Variants in SPACA1 observed in about 807,000 individuals in gnomAD.
The protein encoded by SPACA1 is sperm acrosome associated 1.
SPACA1 carries 17 observed loss-of-function variants against 32.6 expected under a neutral mutation model. The observed-to-expected ratio is 0.52, with a 90% confidence interval of 0.36 to 0.78. The LOEUF (loss-of-function observed/expected upper bound fraction) is 0.78. Among genes scored for constraint, SPACA1 ranks in the 30% least tolerant of loss-of-function variants. The pLI is 0.01. For missense variants in SPACA1, 363 were observed against 373.4 expected (o/e 0.97, Z 0.23); for synonymous variants, 140 against 138.1 (o/e 1.01, Z -0.10).
Position 88,066,408 on chromosome 6 carries a change from C to T in SPACA1, c.*73C>T. On this transcript the variant is annotated 3_prime_UTR_variant, in exon 7 of 7. Coordinates refer to ENST00000237201, the MANE Select transcript of SPACA1 (RefSeq NM_030960.3). ...TTCATTATTACAAAAATAAAATACACATTGAAATACTTTAATAATGTTGCG... is the reference window on the plus strand; with the variant it reads ...TTCATTATTACAAAAATAAAATACATATTGAAATACTTTAATAATGTTGCG... The T allele has an allele frequency of 7.4e-7, 1 of 1,348,090 alleles. No homozygotes were observed. Among genetic ancestry groups the T allele is most frequent in the Non-Finnish European group, 9.9e-7 (1 of 1,006,210 alleles). 83.5% of individuals were successfully genotyped at this position (1,348,090 alleles called of 1,614,324 possible). A position where few individuals can be genotyped will look rare whatever the true frequency, so the allele number is the denominator to read the frequency against.
At position 88,053,998 on chromosome 6, in the gene SPACA1, A is replaced by T; in HGVS notation, c.261A>T (p.Thr87=). Residue 87 remains threonine, a synonymous_variant, in exon 2 of 7, where the codon ACA becomes ACT. Coordinates refer to ENST00000237201, the MANE Select transcript of SPACA1 (RefSeq NM_030960.3). Reference sequence around the variant, plus strand: ...TAGAATTCGGAATGTGCACCGTTACATGTGGTAAGTAGCTTGGAGCAGATG... The same window carrying T: ...TAGAATTCGGAATGTGCACCGTTACTTGTGGTAAGTAGCTTGGAGCAGATG... ...KEVEFGMCTV[T]CGIGVREVIL... 1 of 1,613,512 alleles carries T rather than the reference A, an allele frequency of 6.2e-7. No individual in the cohort carries two copies. Among genetic ancestry groups the T allele is most frequent in the Admixed American group, 1.7e-5 (1 of 60,014 alleles).
At chr6:88,059,111 T>C (rs1463009313) in intron 4 of SPACA1, among the ~76,000 whole-genome samples, 1 of 152,258 alleles carries the variant, frequency 6.6e-6, no homozygotes. Flanking sequence ...AGTTGTATAA[T>C]GATAGCAGTG....
At chr6:88,055,400 CATGTA>C (rs1168009820) in intron 2 of SPACA1, among the ~76,000 whole-genome samples, 2 of 151,912 alleles carry the variant, frequency 1.3e-5, no homozygotes, top group African/African-American at 2.4e-5. Flanking sequence ...ATATGTAAAA[CATGTA>C]ATGTATCAGA....
At position 88,053,938 on chromosome 6, in the gene SPACA1, A is replaced by G; in HGVS notation, c.209-8A>G. 1 of 1,611,764 alleles carries G rather than the reference A, an allele frequency of 6.2e-7. No individual in the cohort carries two copies. On this transcript the variant is annotated splice_polypyrimidine_tract_variant and splice_region_variant and intron_variant, in intron 1 of 6. Transcript: ENST00000237201. The stretch of plus-strand genomic sequence containing the variant: ...ATTAAATAATGTATCTTTACCCTTT[A>G]TGTTTAGTTTCAAATAGGAATGTCG...
chr6:88,053,886 T>G, intron 1 of SPACA1, 60 bp from the exon 2 acceptor site: 1 of 1,378,374 alleles, frequency 7.3e-7, no homozygotes, highest in Non-Finnish European at 1.0e-6. Flanking sequence ...AAGTAAGAGG[T>G]GTTTCACTTA....
chr6:88,066,325 GGAAT>G lies in SPACA1; in HGVS notation c.882_885del (p.Glu294AspfsTer3). ...GGTGAAGATGATGCTTTAAGTGAAT[GGAAT>G]GAATGATGTTTGAATGATATATAAC... On this transcript the variant is annotated frameshift_variant, in exon 7 of 7. Transcript: ENST00000237201. LOFTEE classifies it high-confidence loss of function. The G allele has an allele frequency of 1.2e-6, 2 of 1,609,406 alleles. No homozygotes were observed. The highest frequency in any genetic ancestry group is 8.5e-7 in the Non-Finnish European group (1 of 1,177,732).
At chr6:88,057,574 T>A in intron 2 of SPACA1, 38 bp from the exon 3 acceptor site, 1 of 1,476,090 alleles carries the variant, frequency 6.8e-7, no homozygotes, top group Non-Finnish European at 9.5e-7. Context: ...GAATCAGTTT[T>A]TTTCTTAACA....
chr6:88,066,346 A>T lies in SPACA1; in HGVS notation c.*11A>T. On this transcript the variant is annotated 3_prime_UTR_variant, in exon 7 of 7. Transcript: ENST00000237201. ...GAATGGAATGAATGATGTTTGAATG[A>T]TATATAACAAACCAAAGGATATTAC... 1 of 1,594,298 alleles carries T rather than the reference A, an allele frequency of 6.3e-7. No individual in the cohort carries two copies. Among genetic ancestry groups the T allele is most frequent in the Non-Finnish European group, 8.6e-7 (1 of 1,168,152 alleles).
At chr6:88,055,866 G>A (rs1207234719) in intron 2 of SPACA1, among the ~76,000 whole-genome samples, 3 of 152,156 alleles carry the variant, frequency 2.0e-5, no homozygotes, top group Non-Finnish European at 2.9e-5. Flanking sequence ...AGCTACTTGG[G>A]AGGCTAAGGC....
intron 3 of SPACA1, 60 bp from the exon 4 acceptor site, chr6:88,058,656 T>G: frequency 8.1e-7 from 1 of 1,227,434 alleles, no homozygotes; most frequent in Non-Finnish European, 1.2e-6. Flanking sequence ...AAAAAAGTAA[T>G]TTCGTGTATA....
intron 2 of SPACA1, among the ~76,000 whole-genome samples, chr6:88,055,895 C>A (rs758808707): frequency 6.6e-6 from 1 of 152,070 alleles, no homozygotes. Flanking sequence ...TGCTTGAAGC[C>A]GGGAGGTGGA....
In SPACA1 at chr6:88,066,443, C is replaced by T. The variant is rs1486868371; in HGVS notation, c.*108C>T. 7 of 1,091,588 alleles carry T rather than the reference C, an allele frequency of 6.4e-6. No homozygotes were observed. The East Asian group carries it at 2.0e-4, about 31-fold the overall frequency. 67.6% of individuals were successfully genotyped at this position (1,091,588 alleles called of 1,614,324 possible). A position where few individuals can be genotyped will look rare whatever the true frequency, so the allele number is the denominator to read the frequency against. On this transcript the variant is annotated 3_prime_UTR_variant, in exon 7 of 7. Transcript: ENST00000237201. ...CTTTAATAATGTTGCGATGGATTGCCACAGTGTGAAGGAAATGCAGTGTGG... is the reference window on the plus strand; with the variant it reads ...CTTTAATAATGTTGCGATGGATTGCTACAGTGTGAAGGAAATGCAGTGTGG...
At chr6:88,047,645 A>C, upstream of SPACA1, 1 of 396,080 alleles carries the variant, frequency 2.5e-6, no homozygotes. Flanking sequence ...GGTTGCGGGG[A>C]AGGGCGGCGT....
At position 88,064,229 on chromosome 6, in the gene SPACA1, T is replaced by G; in HGVS notation, c.731+10T>G. 2.5e-6 allele frequency: 4 copies of G among 1,606,692 alleles called. No individual in the cohort carries two copies. Among genetic ancestry groups the G allele is most frequent in the Non-Finnish European group, 3.4e-6 (4 of 1,176,676 alleles). Reference sequence around the variant, plus strand: ...TCATAATCATAAATTGGTAGGTGAATAGTGGAATGCATCATCACCCTTGAT... The same window carrying G: ...TCATAATCATAAATTGGTAGGTGAAGAGTGGAATGCATCATCACCCTTGAT... On this transcript the variant is annotated intron_variant, in intron 6 of 6. Transcript: ENST00000237201.
At chr6:88,054,093 T>C in intron 2 of SPACA1, 91 bp downstream of exon 2, 3 of 1,052,318 alleles carry the variant, frequency 2.9e-6, no homozygotes, top group Non-Finnish European at 4.3e-6. Flanking sequence ...GTAACTTGTG[T>C]ACTTTCATGC....
Position 88,066,382 on chromosome 6 carries a change from A to G in SPACA1, c.*47A>G. On this transcript the variant is annotated 3_prime_UTR_variant, in exon 7 of 7. Coordinates refer to ENST00000237201, the MANE Select transcript of SPACA1 (RefSeq NM_030960.3). ...ACCAAAGGATATTACAGAATATTAG[A>G]TTCATTATTACAAAAATAAAATACA... 1 of 1,474,960 alleles carries G rather than the reference A, an allele frequency of 6.8e-7. No individual in the cohort carries two copies. The allele number at this position is 1,474,960 out of a possible 1,614,324, so 91.4% of individuals were successfully genotyped here. A position where few individuals can be genotyped will look rare whatever the true frequency, so the allele number is the denominator to read the frequency against.
chr6:88,064,008 A>G, intron 5 of SPACA1, 91 bp from the exon 6 acceptor site: 1 of 1,391,874 alleles, frequency 7.2e-7, no homozygotes, highest in East Asian at 2.4e-5. Context: ...TTATGTTTCT[A>G]GAGTTGTTTT....
At chr6:88,047,367 A>T (rs1775652051), upstream of SPACA1, among the ~76,000 whole-genome samples, 1 of 152,240 alleles carries the variant, frequency 6.6e-6, no homozygotes, top group Non-Finnish European at 1.5e-5. Flanking sequence ...CCAAAGAAGA[A>T]ATCGAATCCT....
intron 5 of SPACA1, 84 bp from the exon 6 acceptor site, chr6:88,064,015 T>C (rs1582276494): frequency 6.8e-7 from 1 of 1,464,574 alleles, no homozygotes; most frequent in East Asian, 2.4e-5. Context: ...TCTAGAGTTG[T>C]TTTTCAAATA....
Sources: allele counts gnomAD v4.1 joint callset (sites outside exome capture counted in the v4.1 genomes callset), GRCh38; gene constraint gnomAD v4.1.1; transcripts MANE v1.5; gene names NCBI Gene and HGNC (gene_info 2026-07-23, HGNC 2026-07-21).